Variants in PDE1A observed in about 807,000 individuals in gnomAD.
PDE1A encodes the protein dual specificity calcium/calmodulin-dependent 3',5'-cyclic nucleotide phosphodiesterase 1A.
PDE1A carries 35 observed loss-of-function variants against 61.7 expected under a neutral mutation model. The ratio of observed to expected loss-of-function variants is 0.57; its 90% CI spans 0.43 to 0.75. The LOEUF (loss-of-function observed/expected upper bound fraction) is 0.75. Ranked by LOEUF, PDE1A falls within the 30% of genes least tolerant of loss-of-function variation. PDE1A has a pLI of 0.00. For synonymous variants in PDE1A, 232 were observed against 213.2 expected (o/e 1.09, Z -0.77); for missense variants, 597 against 630.6 (o/e 0.95, Z 0.57).
intron 1 of PDE1A, chr2:182,522,571 C>A: frequency 1.0e-5 from 14 of 1,390,888 alleles, no homozygotes; most frequent in South Asian, 1.6e-5. Flanking sequence ...CTGCTCACCA[C>A]CTCACCACCC....
the PDE1A span, among the ~76,000 whole-genome samples, chr2:182,570,609 C>T: frequency 9.6e-4 from 146 of 152,280 alleles, 1 homozygote; most frequent in African/African-American, 3.2e-3. Context: ...AAAAGAAAGG[C>T]CTGGCATCAG....
intron 1 of PDE1A, among the ~76,000 whole-genome samples, chr2:182,394,240 C>CG (rs373161317): frequency 1.1e-4 from 17 of 152,196 alleles, no homozygotes; most frequent in African/African-American, 3.9e-4. Flanking sequence ...TGTTAGGTTG[C>CG]GGGGGGCCTC....
In PDE1A at chr2:182,360,822, G is replaced by A. The variant is rs149079018; in HGVS notation, c.53+65756C>T. ...CTGTACTCAGTTGATCTGCTGTATG[G>A]ATTCTTGACAAGTTTTAAAATATTA... is the stretch of plus-strand genomic sequence containing the variant. On this transcript the variant is annotated intron_variant, in intron 1 of 13. Transcript: ENST00000351439. 1.3e-4 allele frequency among the ~76,000 whole-genome samples: 20 copies of A among 151,984 alleles called. No homozygotes were observed. In the East Asian group the frequency reaches 3.9e-3, roughly 29 times the overall value.
At chr2:182,265,801 T>A (rs1692593274) in intron 1 of PDE1A, among the ~76,000 whole-genome samples, 1 of 152,162 alleles carries the variant, frequency 6.6e-6, no homozygotes, top group Admixed American at 6.6e-5. Flanking sequence ...ATACTACAGA[T>A]AAGCAATATG....
intron 13 of PDE1A, among the ~76,000 whole-genome samples, chr2:182,169,488 CAG>C (rs1691931425): frequency 6.6e-6 from 1 of 151,812 alleles, no homozygotes; most frequent in South Asian, 2.1e-4. Flanking sequence ...ATATGACACA[CAG>C]AAAGAAAAAA....
At chr2:182,158,013 C>T (rs543505459) in intron 13 of PDE1A, among the ~76,000 whole-genome samples, 12 of 152,256 alleles carry the variant, frequency 7.9e-5, no homozygotes, top group Middle Eastern at 3.4e-3. Context: ...AGTCTTTCCA[C>T]GTTATTTCTT....
the PDE1A span, among the ~76,000 whole-genome samples, chr2:182,626,729 A>T: frequency 2.2e-3 from 12 of 5,420 alleles, 1 homozygote; most frequent in East Asian, 0.042. Flanking sequence ...ATATATATAT[A>T]TATATATACA....
At chr2:182,222,370 G>A (rs1192547882) in intron 7 of PDE1A, among the ~76,000 whole-genome samples, 1 of 151,958 alleles carries the variant, frequency 6.6e-6, no homozygotes, top group Non-Finnish European at 1.5e-5. Flanking sequence ...AGAGACCAGT[G>A]GTTGCCAGGG....
the PDE1A span, among the ~76,000 whole-genome samples, chr2:182,586,735 A>T: frequency 3.3e-5 from 5 of 152,190 alleles, no homozygotes; most frequent in African/African-American, 4.8e-5. Flanking sequence ...CCTAGTAGGC[A>T]AGATCAATGG....
the PDE1A span, among the ~76,000 whole-genome samples, chr2:182,574,163 G>C: frequency 6.6e-6 from 1 of 151,844 alleles, no homozygotes; most frequent in South Asian, 2.1e-4. Context: ...AGGCTGGGAG[G>C]CTAGGCCAGT....
the PDE1A span, among the ~76,000 whole-genome samples, chr2:182,622,000 A>G: frequency 1.3e-5 from 2 of 152,212 alleles, no homozygotes; most frequent in African/African-American, 4.8e-5. Flanking sequence ...TAATGGCTTC[A>G]TTTGTAAACT....
chr2:182,613,998 T>G, the PDE1A span, among the ~76,000 whole-genome samples: 1 of 152,190 alleles, frequency 6.6e-6, no homozygotes, highest in Non-Finnish European at 1.5e-5. Flanking sequence ...AACACAAAAT[T>G]GGGGTGGAGG....
the PDE1A span, among the ~76,000 whole-genome samples, chr2:182,601,160 T>C: frequency 2.0e-5 from 3 of 152,184 alleles, no homozygotes; most frequent in African/African-American, 4.8e-5. Flanking sequence ...ATGCCACATC[T>C]GCCAAGGGTG....
At chr2:182,246,352 T>C (rs1690944435) in intron 2 of PDE1A, among the ~76,000 whole-genome samples, 1 of 152,016 alleles carries the variant, frequency 6.6e-6, no homozygotes, top group Non-Finnish European at 1.5e-5. Flanking sequence ...GTAAGCATTT[T>C]TCATTTTTAT....
At chr2:182,651,945 T>C in the PDE1A span, among the ~76,000 whole-genome samples, 1 of 152,192 alleles carries the variant, frequency 6.6e-6, no homozygotes, top group Admixed American at 6.5e-5. Flanking sequence ...CACTCCACTA[T>C]TTATCAAGGA....
exon 14 of PDE1A, chr2:182,168,201 G>T (rs777334624): frequency 6.4e-7 from 1 of 1,556,760 alleles, no homozygotes; most frequent in Non-Finnish European, 8.6e-7. Context: ...AAGTCTTTTG[G>T]TCAAATTAGA....
At chr2:182,310,206 T>C (rs2623436) in intron 1 of PDE1A, among the ~76,000 whole-genome samples, 141,119 of 152,228 alleles carry the variant, frequency 0.93, 66,036 homozygotes, top group East Asian at 0.99. Flanking sequence ...GATGGTACCA[T>C]TATATGCTTA....
At chr2:182,696,102 C>T in the PDE1A span, among the ~76,000 whole-genome samples, 1 of 152,216 alleles carries the variant, frequency 6.6e-6, no homozygotes, top group Non-Finnish European at 1.5e-5. Flanking sequence ...CCAGCAATTG[C>T]ACTCCTTGGT....
chr2:182,391,793 T>C (rs949369295), intron 1 of PDE1A, among the ~76,000 whole-genome samples: 10 of 152,360 alleles, frequency 6.6e-5, no homozygotes, highest in Admixed American at 3.3e-4. Context: ...CATGTAGAGC[T>C]CTGGCATTGG....
Sources: allele counts gnomAD v4.1 joint callset (sites outside exome capture counted in the v4.1 genomes callset), GRCh38; gene constraint gnomAD v4.1.1; transcripts MANE v1.5; gene names NCBI Gene and HGNC (gene_info 2026-07-23, HGNC 2026-07-21).